Variants in PACRG observed in about 807,000 individuals in gnomAD.
PACRG encodes the protein parkin coregulated, also known as parkin coregulated gene protein.
PACRG carries 29 observed loss-of-function variants against 29.7 expected under a neutral mutation model. That is an observed-to-expected ratio of 0.98 (90% CI 0.73 to 1.33). The LOEUF (loss-of-function observed/expected upper bound fraction) is 1.33. PACRG is among the 40% of genes most tolerant of loss of function. The pLI is 0.00. For missense variants in PACRG, 279 were observed against 316.2 expected, an observed-to-expected ratio of 0.88 and a Z score of 0.89; for synonymous variants, 116 against 118.7, an observed-to-expected ratio of 0.98 and a Z score of 0.15.
At chr6:162,814,009 G>T in intron 1 of PACRG, 138 bp from the exon 2 acceptor site, 3 of 870,852 alleles carry the variant, frequency 3.4e-6, no homozygotes, top group Non-Finnish European at 4.9e-6. Context: ...GATTTCTGTT[G>T]TCCCTTATTT....
intron 4 of PACRG, among the ~76,000 whole-genome samples, chr6:163,203,129 G>A (rs1283395653): frequency 1.3e-5 from 2 of 152,076 alleles, no homozygotes; most frequent in East Asian, 1.9e-4. Context: ...GACCAGGCAC[G>A]GCGGCTCACA....
chr6:163,038,542 G>A (rs1021342658), intron 2 of PACRG, among the ~76,000 whole-genome samples: 1 of 152,174 alleles, frequency 6.6e-6, no homozygotes, highest in African/African-American at 2.4e-5. Flanking sequence ...CCAGAGAGGA[G>A]AGAGACTGCT....
intron 2 of PACRG, among the ~76,000 whole-genome samples, chr6:162,866,944 T>C (rs1201609332): frequency 6.6e-6 from 1 of 152,130 alleles, no homozygotes; most frequent in East Asian, 1.9e-4. Flanking sequence ...CTTCAAGAGG[T>C]GTTTCCTCTG....
At chr6:163,195,508 CA>C (rs1780411750) in intron 4 of PACRG, among the ~76,000 whole-genome samples, 1 of 152,152 alleles carries the variant, frequency 6.6e-6, no homozygotes, top group Non-Finnish European at 1.5e-5. Context: ...CCCTAGAGCC[CA>C]GTGTTTTCAA....
intron 4 of PACRG, chr6:163,165,455 C>T (rs1047422583): frequency 1.3e-5 from 2 of 152,428 alleles, no homozygotes; most frequent in Non-Finnish European, 2.9e-5. Context: ...TGACATCACT[C>T]ATCCCATCAG....
chr6:162,947,111 C>T (rs377444787), intron 2 of PACRG, among the ~76,000 whole-genome samples: 9 of 151,472 alleles, frequency 5.9e-5, no homozygotes, highest in African/African-American at 2.2e-4. Flanking sequence ...TACTGAAAGT[C>T]GTAGCCAGAT....
chr6:163,284,037 CAA>C (rs1181368288), intron 4 of PACRG, among the ~76,000 whole-genome samples: 2 of 151,936 alleles, frequency 1.3e-5, no homozygotes, highest in Non-Finnish European at 2.9e-5. Flanking sequence ...CGCTCAAACC[CAA>C]GAGGCAGAGG....
upstream of PACRG, chr6:162,727,544 C>A: frequency 8.5e-7 from 1 of 1,179,866 alleles, no homozygotes; most frequent in Non-Finnish European, 1.2e-6. Flanking sequence ...GGCACGGGCA[C>A]TTTGGCCCCG....
chr6:162,795,892 T>C (rs116797283), intron 1 of PACRG, among the ~76,000 whole-genome samples: 4 of 152,312 alleles, frequency 2.6e-5, no homozygotes, highest in African/African-American at 9.6e-5. Flanking sequence ...TCAGCACTTT[T>C]GTATATGAAA....
intron 4 of PACRG, among the ~76,000 whole-genome samples, chr6:163,140,094 C>T (rs762233440): frequency 1.3e-5 from 2 of 152,178 alleles, no homozygotes; most frequent in Non-Finnish European, 2.9e-5. Context: ...ATGATGCTGC[C>T]TCGCTCTTAC....
At chr6:163,239,587 T>G (rs1412559080) in intron 4 of PACRG, among the ~76,000 whole-genome samples, 1 of 151,874 alleles carries the variant, frequency 6.6e-6, no homozygotes, top group Non-Finnish European at 1.5e-5. Flanking sequence ...CTTCTTAACA[T>G]CACCTGATGG....
intron 4 of PACRG, among the ~76,000 whole-genome samples, chr6:163,287,318 T>C (rs1248522759): frequency 6.6e-6 from 1 of 152,176 alleles, no homozygotes; most frequent in Non-Finnish European, 1.5e-5. Context: ...TTTGGAAACC[T>C]GGTCCCCACT....
At chr6:162,884,007 A>G (rs1289024145) in intron 2 of PACRG, among the ~76,000 whole-genome samples, 2 of 152,072 alleles carry the variant, frequency 1.3e-5, no homozygotes, top group Non-Finnish European at 2.9e-5. Flanking sequence ...GTGCAATCGT[A>G]GCTTACCGAA....
chr6:163,234,541 T>C (rs1449866710), intron 4 of PACRG, among the ~76,000 whole-genome samples: 1 of 152,136 alleles, frequency 6.6e-6, no homozygotes, highest in Non-Finnish European at 1.5e-5. Flanking sequence ...ATAAACCTCT[T>C]TTCCTTAAAA....
intron 4 of PACRG, among the ~76,000 whole-genome samples, chr6:163,225,218 T>C (rs915957706): frequency 2.6e-5 from 4 of 152,160 alleles, no homozygotes; most frequent in African/African-American, 9.7e-5. Flanking sequence ...TTTGGCTGTG[T>C]CCCCACCCAA....
At chr6:163,152,976 C>T (rs1483895693) in intron 4 of PACRG, among the ~76,000 whole-genome samples, 1 of 152,026 alleles carries the variant, frequency 6.6e-6, no homozygotes, top group Non-Finnish European at 1.5e-5. Context: ...AGGGGAGAGC[C>T]AGTGTTTTGC....
chr6:162,955,392 C>G lies in PACRG; in HGVS notation c.292-106758C>G, dbSNP rs982355545. ...TTGGCTCACTGCAAGCTCTGCCTCC[C>G]GGGTTCAAGCAATTCTCCTGCCTCA... On this transcript the variant is annotated intron_variant, in intron 2 of 4. Transcript: ENST00000366888. Among the ~76,000 whole-genome samples the G allele has an allele frequency of 2.6e-5, 4 of 152,172 alleles. No individual in the cohort carries two copies. The East Asian group carries it at 7.8e-4, about 30-fold the overall frequency.
chr6:163,015,479 C>G (rs1806009382), intron 2 of PACRG, among the ~76,000 whole-genome samples: 1 of 152,168 alleles, frequency 6.6e-6, no homozygotes, highest in Admixed American at 6.5e-5. Context: ...TGCTTCTAAT[C>G]CATGAGCACA....
chr6:162,931,333 C>T (rs566273329), intron 2 of PACRG, among the ~76,000 whole-genome samples: 1 of 151,788 alleles, frequency 6.6e-6, no homozygotes, highest in East Asian at 1.9e-4. Flanking sequence ...TTACGAGGTC[C>T]AGTTTTATCA....
Sources: allele counts gnomAD v4.1 joint callset (sites outside exome capture counted in the v4.1 genomes callset), GRCh38; gene constraint gnomAD v4.1.1; transcripts MANE v1.5; gene names NCBI Gene and HGNC (gene_info 2026-07-23, HGNC 2026-07-21).